Variants in SNX30 observed in about 807,000 individuals in gnomAD.
The protein encoded by SNX30 is sorting nexin-30.
In SNX30, 24 loss-of-function variants were observed where a neutral mutation model predicts 46.4. The observed-to-expected ratio is 0.52, with a 90% CI of 0.37 to 0.73. The LOEUF is 0.73. SNX30 is among the 30% of genes least tolerant of loss of function. The probability of loss-of-function intolerance (pLI) is 0.00; values close to 1 mark genes in which losing one functional copy is unlikely to be tolerated. For synonymous variants in SNX30, 189 were observed against 211.5 expected (o/e 0.89, Z 0.92); for missense variants, 533 against 555.7 (o/e 0.96, Z 0.41).
At chr9:112,791,398 A>ATTT (rs1564270543) in intron 1 of SNX30, among the ~76,000 whole-genome samples, 13 of 39,882 alleles carry the variant, frequency 3.3e-4, no homozygotes, top group East Asian at 1.6e-3. Flanking sequence ...ATATTTAGGA[A>ATTT]CTTTTTTTTT....
chr9:112,752,871 A>G (rs1373566549), intron 1 of SNX30, among the ~76,000 whole-genome samples: 2 of 152,134 alleles, frequency 1.3e-5, no homozygotes, highest in Non-Finnish European at 2.9e-5. Context: ...TGAAGGCTGG[A>G]TTAGGGGAGG....
At chr9:112,778,926 A>G (rs1342349206) in intron 1 of SNX30, among the ~76,000 whole-genome samples, 1 of 151,656 alleles carries the variant, frequency 6.6e-6, no homozygotes, top group Non-Finnish European at 1.5e-5. Flanking sequence ...AGACTGGGCA[A>G]GTACTGGTGG....
intron 3 of SNX30, among the ~76,000 whole-genome samples, chr9:112,818,090 C>A (rs766256730): frequency 6.6e-6 from 1 of 151,870 alleles, no homozygotes; most frequent in African/African-American, 2.4e-5. Flanking sequence ...ATTTAAAAAA[C>A]AAGAAACCAC....
In SNX30 at chr9:112,813,530, G is replaced by A. The variant is rs1347868489; in HGVS notation, c.349-4175G>A. The stretch of plus-strand genomic sequence containing the variant: ...GTCGCCCAGGCTGGAGTGCAGTGGC[G>A]CGATCTTGGCTCAGTGTAACCTCTG... On this transcript the variant is annotated intron_variant, in intron 2 of 8. Coordinates refer to ENST00000374232, the MANE Select transcript of SNX30 (RefSeq NM_001012994.2). Among the ~76,000 whole-genome samples the A allele has an allele frequency of 5.3e-5, 8 of 150,210 alleles. No homozygotes were observed. In the South Asian group the frequency reaches 6.3e-4, roughly 12 times the overall value.
At chr9:112,780,516 C>G (rs1839828995) in intron 1 of SNX30, among the ~76,000 whole-genome samples, 3 of 152,202 alleles carry the variant, frequency 2.0e-5, no homozygotes, top group African/African-American at 7.2e-5. Context: ...AAGGGGATCT[C>G]TAAGCCTTCT....
At chr9:112,783,493 T>A (rs1839876911) in intron 1 of SNX30, among the ~76,000 whole-genome samples, 2 of 152,238 alleles carry the variant, frequency 1.3e-5, no homozygotes, top group South Asian at 4.1e-4. Context: ...TAGAGCTATA[T>A]GTATAGACTG....
At chr9:112,847,181 CTTT>C (rs1419426788) in intron 6 of SNX30, among the ~76,000 whole-genome samples, 3 of 152,094 alleles carry the variant, frequency 2.0e-5, no homozygotes, top group African/African-American at 7.2e-5. Context: ...ATTGTTTAGC[CTTT>C]TTATTATAGA....
At chr9:112,797,579 CA>C (rs1840126770) in intron 1 of SNX30, among the ~76,000 whole-genome samples, 1 of 151,988 alleles carries the variant, frequency 6.6e-6, no homozygotes. Flanking sequence ...TCCTTAATAT[CA>C]ATATTCAAAT....
At chr9:112,861,611 G>C (rs7038537) in intron 7 of SNX30, among the ~76,000 whole-genome samples, 2,725 of 152,288 alleles carry the variant, frequency 0.018, 78 homozygotes, top group African/African-American at 0.063. Context: ...CCTCAGGAAA[G>C]CAGGACTTTG....
Position 112,786,421 on chromosome 9 carries a change from TCTTGTCTCTTTTCTGA to T in SNX30, c.157-18351_157-18336del, listed in dbSNP as rs1013643392. ...TGGGCCTGAGCCACCCTGCCTGGCCTCTTGTCTCTTTTCTGACTTCATTTTACACCTCATAGTTTAT... is the reference window on the plus strand; with the variant it reads ...TGGGCCTGAGCCACCCTGCCTGGCCTCTTCATTTTACACCTCATAGTTTAT... On this transcript the variant is annotated intron_variant, in intron 1 of 8. Transcript: ENST00000374232. Among the ~76,000 whole-genome samples the T allele has an allele frequency of 4.0e-5, 6 of 150,628 alleles. 1 individual carries two copies. The highest frequency in any genetic ancestry group is 1.3e-4 in the Admixed American group (2 of 15,136).
In SNX30 at chr9:112,868,994, C is replaced by T; in HGVS notation, c.*151C>T. 5.4e-6 allele frequency: 4 copies of T among 735,312 alleles called. No individual in the cohort carries two copies. The highest frequency in any genetic ancestry group is 1.6e-5 in the South Asian group (1 of 61,628). 45.5% of individuals were successfully genotyped at this position (735,312 alleles called of 1,614,324 possible). On this transcript the variant is annotated 3_prime_UTR_variant, in exon 9 of 9. Transcript: ENST00000374232. ...TTTTTCCCTCCCCCACCTTTCACCC[C>T]ACAGTGGTTTTCAATTAGTATTTAT...
At position 112,865,227 on chromosome 9, in the gene SNX30, C is replaced by T. The variant is rs1010765763; in HGVS notation, c.1254+828C>T. 2.7e-5 allele frequency among the ~76,000 whole-genome samples: 4 copies of T among 149,974 alleles called. No homozygotes were observed. In the East Asian group the frequency reaches 7.9e-4, roughly 30 times the overall value. ...TACCTCACACAACCCTCACACACAA[C>T]CCCCACACACACCATACACACACCA... On this transcript the variant is annotated intron_variant, in intron 8 of 8. Transcript: ENST00000374232.
chr9:112,843,435 G>A (rs1325988682), intron 6 of SNX30, among the ~76,000 whole-genome samples: 1 of 152,044 alleles, frequency 6.6e-6, no homozygotes, highest in Non-Finnish European at 1.5e-5. Flanking sequence ...AAGACATATG[G>A]GAGTGAGCTG....
chr9:112,811,378 G>A (rs1041025800), intron 2 of SNX30, among the ~76,000 whole-genome samples: 4 of 152,178 alleles, frequency 2.6e-5, no homozygotes, highest in Non-Finnish European at 1.5e-5. Context: ...GTAAATTTTG[G>A]ATCAAATGGA....
At chr9:112,763,109 G>A (rs890067475) in intron 1 of SNX30, among the ~76,000 whole-genome samples, 2 of 152,184 alleles carry the variant, frequency 1.3e-5, no homozygotes, top group Middle Eastern at 6.8e-3. Flanking sequence ...ACTGAAGTGT[G>A]ATCAGGGTGA....
chr9:112,854,702 G>A (rs1279286527), intron 7 of SNX30, among the ~76,000 whole-genome samples: 6 of 152,218 alleles, frequency 3.9e-5, no homozygotes, highest in Admixed American at 2.6e-4. Flanking sequence ...CAGCAGCTGC[G>A]TTGGTGGGCA....
At chr9:112,751,182 G>C in intron 1 of SNX30, 25 bp downstream of exon 1, 1 of 1,447,940 alleles carries the variant, frequency 6.9e-7, no homozygotes, top group Non-Finnish European at 9.1e-7. Flanking sequence ...GCCGGGGAGT[G>C]GGAGGCTTAT....
intron 2 of SNX30, among the ~76,000 whole-genome samples, chr9:112,805,907 C>T (rs1840218048): frequency 6.6e-6 from 1 of 152,172 alleles, no homozygotes; most frequent in African/African-American, 2.4e-5. Flanking sequence ...TAGGACTATA[C>T]AGCCTATATT....
At position 112,840,370 on chromosome 9, in the gene SNX30, G is replaced by C. The variant is rs186025649; in HGVS notation, c.1014+1673G>C. ...ATTGACTTTTATTAAAAAAAATTGG[G>C]ATATACACATTGAATTTTTGATCCT... On this transcript the variant is annotated intron_variant, in intron 6 of 8. Transcript: ENST00000374232. Among the ~76,000 whole-genome samples, 56 of 152,274 alleles carry C rather than the reference G, an allele frequency of 3.7e-4. No individual in the cohort carries two copies. The East Asian group carries it at 6.4e-3, about 17-fold the overall frequency.
Sources: allele counts gnomAD v4.1 joint callset (sites outside exome capture counted in the v4.1 genomes callset), GRCh38; gene constraint gnomAD v4.1.1; transcripts MANE v1.5; gene names NCBI Gene and HGNC (gene_info 2026-07-23, HGNC 2026-07-21).